MYH13: variants seen among roughly 807,000 people sequenced by gnomAD.
The protein encoded by MYH13 is myosin-13.
A neutral mutation model predicts 232.1 loss-of-function variants in MYH13; 177 were observed. The observed-to-expected ratio is 0.76, with a 90% CI of 0.67 to 0.86. The LOEUF is 0.86. Among genes scored for constraint, MYH13 ranks in the 40% least tolerant of loss-of-function variants. The probability of loss-of-function intolerance (pLI) is 0.00; values close to 1 mark genes in which losing one functional copy is unlikely to be tolerated. For synonymous variants in MYH13, 884 were observed against 923.5 expected (o/e 0.96, Z 0.78); for missense variants, 2,246 against 2,405.9 (o/e 0.93, Z 1.39).
intron 12 of MYH13, among the ~76,000 whole-genome samples, chr17:10,347,995 G>A (rs903628574): frequency 3.3e-5 from 5 of 152,118 alleles, no homozygotes; most frequent in African/African-American, 1.2e-4. Context: ...ACAGGTGTGA[G>A]CCACCTTGCC....
chr17:10,330,219 C>A (rs954950716), intron 21 of MYH13, among the ~76,000 whole-genome samples, 168 bp downstream of exon 21: 1 of 152,068 alleles, frequency 6.6e-6, no homozygotes. Context: ...TCTGTCTCCC[C>A]AGCGCCATGC....
chr17:10,312,768 C>A lies in MYH13; in HGVS notation c.4182-11G>T, dbSNP rs1906555495. The A allele has an allele frequency of 6.2e-7, 1 of 1,601,234 alleles. No homozygotes were observed. The highest frequency in any genetic ancestry group is 1.8e-5 in the Admixed American group (1 of 56,728). On this transcript the variant is annotated splice_polypyrimidine_tract_variant and intron_variant, in intron 30 of 40. Coordinates refer to ENST00000252172, the MANE Select transcript of MYH13 (RefSeq NM_003802.3). ...TGGGCCAGTTTTTTCCTACGAAAAC[C>A]AGATTTTTTTTTTCCCCTTCGCAAA...
chr17:10,318,804 G>C lies in MYH13; in HGVS notation c.3724C>G (p.Leu1242Val). ...IDDMASNIEA[L>V]SKSKSNIERT... ...CAGTCAGGTACCTTTGACTTGGAGA[G>C]AGCCTCGATGTTGCTGGCCATGTCG... is the stretch of plus-strand genomic sequence containing the variant. The change falls in exon 27 of 41, where the codon CTC (leucine) becomes GTC (valine). Residue 1242 changes from leucine to valine, a missense_variant. By Grantham distance (32) the Leu-to-Val change is conservative. Coordinates refer to ENST00000252172, the MANE Select transcript of MYH13 (RefSeq NM_003802.3). The C allele has an allele frequency of 1.2e-6, 2 of 1,614,048 alleles. No individual in the cohort carries two copies. The highest frequency in any genetic ancestry group is 1.7e-6 in the Non-Finnish European group (2 of 1,179,962).
At chr17:10,332,934 G>T in intron 19 of MYH13, 140 bp downstream of exon 19, 1 of 724,294 alleles carries the variant, frequency 1.4e-6, no homozygotes, top group Non-Finnish European at 2.3e-6. Context: ...CATGGGATCA[G>T]TTCCTCTAGC....
chr17:10,330,671 G>A (rs540662349), intron 20 of MYH13, 148 bp from the exon 21 acceptor site: 1 of 1,164,076 alleles, frequency 8.6e-7, no homozygotes, highest in Non-Finnish European at 1.2e-6. Context: ...TTGCTTCTCG[G>A]TGGCTCTGGT....
chr17:10,308,013 A>G (rs921316031), intron 35 of MYH13, among the ~76,000 whole-genome samples: 17 of 152,222 alleles, frequency 1.1e-4, no homozygotes, highest in Admixed American at 9.2e-4. Flanking sequence ...GTCATTAAAA[A>G]TCATATAGAA....
At chr17:10,309,869 A>T in intron 33 of MYH13, 39 bp from the exon 34 acceptor site, 5 of 1,487,392 alleles carry the variant, frequency 3.4e-6, no homozygotes, top group Non-Finnish European at 4.5e-6. Context: ...TGCCGTGGAC[A>T]TCCACCTTCA....
intron 21 of MYH13, among the ~76,000 whole-genome samples, chr17:10,329,347 A>C (rs963556798): frequency 3.3e-5 from 5 of 152,194 alleles, no homozygotes; most frequent in African/African-American, 1.2e-4. Flanking sequence ...AAAAAGACTT[A>C]AACATTCCTT....
At chr17:10,308,261 T>C (rs1025979833) in intron 35 of MYH13, among the ~76,000 whole-genome samples, 2 of 150,452 alleles carry the variant, frequency 1.3e-5, no homozygotes, top group Non-Finnish European at 2.9e-5. Context: ...GAGGCAGAGA[T>C]TGCAGTGAAC....
chr17:10,306,220 A>ATG lies in MYH13; in HGVS notation c.5466+237_5466+238dup, dbSNP rs34889608. The stretch of plus-strand genomic sequence containing the variant: ...CTGAGGTGTGAGCATACCAAAATAG[A>ATG]TGTGTGTGTGTGTGTGTGTGTGTGT... On this transcript the variant is annotated intron_variant, in intron 37 of 40. Coordinates refer to ENST00000252172, the MANE Select transcript of MYH13 (RefSeq NM_003802.3). The surrounding 1 kb of genome is among the most constrained non-coding windows in gnomAD (Gnocchi z 4.3). Among the ~76,000 whole-genome samples, 22,603 of 129,758 alleles carry ATG rather than the reference A, an allele frequency of 0.17. 1,878 individuals are homozygous for ATG. Among genetic ancestry groups the ATG allele is most frequent in the Admixed American group, 0.19 (2,505 of 12,918 alleles). 85.1% of individuals were successfully genotyped at this position (129,758 alleles called of 152,430 possible).
chr17:10,371,107 C>T (rs1320729001), intron 2 of MYH13, 102 bp downstream of exon 2: 2 of 152,176 alleles, frequency 1.3e-5, no homozygotes, highest in African/African-American at 4.8e-5. Context: ...TCAAACTCAT[C>T]AATTTCGTCT....
In MYH13 at chr17:10,346,689, AT is replaced by A; in HGVS notation, c.1253del (p.Asn418MetfsTer5). On this transcript the variant is annotated frameshift_variant, in exon 13 of 41. Transcript: ENST00000252172. LOFTEE classifies it high-confidence loss of function. ...VGNEYVTKGQNVQQVTNSVGA... is the reference protein window; with the variant it reads ...VGNEYVTKGQXVQQVTNSVGA... Reference sequence around the variant, plus strand: ...AGAGCATCTCCATTACCTGCTGGACATTTTGCCCTTTAGTGACATATTCATT... The same window carrying A: ...AGAGCATCTCCATTACCTGCTGGACATTTGCCCTTTAGTGACATATTCATT... 3 of 1,611,656 alleles carry A rather than the reference AT, an allele frequency of 1.9e-6. No homozygotes were observed. Among genetic ancestry groups the A allele is most frequent in the Non-Finnish European group, 2.5e-6 (3 of 1,177,862 alleles).
rs764855160 is a variant in MYH13, at chr17:10,309,381, C to T, written c.5022G>A (p.Gln1674=). 19 of 1,611,876 alleles carry T rather than the reference C, an allele frequency of 1.2e-5. No homozygotes were observed. Among genetic ancestry groups the T allele is most frequent in the Non-Finnish European group, 1.6e-5 (19 of 1,179,074 alleles). ...CATTCCTGCGCTCCACGATGGCCAGCTGCTCCTTGAGGTCCTCATTGCTCC... is the reference window on the plus strand; with the variant it reads ...CATTCCTGCGCTCCACGATGGCCAGTTGCTCCTTGAGGTCCTCATTGCTCC... ...ALRSNEDLKE[Q]LAIVERRNGL... The change falls in exon 35 of 41, where the codon CAG becomes CAA. Residue 1674 remains glutamine, a synonymous_variant. Transcript: ENST00000252172.
At chr17:10,342,644 C>T (rs1048185956) in intron 16 of MYH13, among the ~76,000 whole-genome samples, 2 of 151,246 alleles carry the variant, frequency 1.3e-5, no homozygotes, top group African/African-American at 2.4e-5. Flanking sequence ...CTGATACATG[C>T]TACAACAGGG....
Position 10,304,560 on chromosome 17 carries a change from A to G in MYH13, c.5467-1062T>C, listed in dbSNP as rs920970230. On this transcript the variant is annotated intron_variant, in intron 37 of 40. Coordinates refer to ENST00000252172, the MANE Select transcript of MYH13 (RefSeq NM_003802.3). The surrounding 1 kb of genome is among the most constrained non-coding windows in gnomAD (Gnocchi z 5.3). Reference sequence around the variant, plus strand: ...ACAGCAGATCAAGTAACTTGAACTTACAGATCAAGTAAGGCAGCAGGGATC... The same window carrying G: ...ACAGCAGATCAAGTAACTTGAACTTGCAGATCAAGTAAGGCAGCAGGGATC... Among the ~76,000 whole-genome samples, 4 of 152,252 alleles carry G rather than the reference A, an allele frequency of 2.6e-5. No individual in the cohort carries two copies. Among genetic ancestry groups the G allele is most frequent in the African/African-American group, 9.6e-5 (4 of 41,468 alleles).
intron 15 of MYH13, 124 bp from the exon 16 acceptor site, chr17:10,344,233 G>C (rs1597385084): frequency 1.5e-6 from 2 of 1,367,492 alleles, no homozygotes; most frequent in East Asian, 4.8e-5. Context: ...TGTACGCTCG[G>C]TGAGAGCAAG....
At chr17:10,328,156 A>G (rs1907283607) in intron 21 of MYH13, 35 bp from the exon 22 acceptor site, 5 of 1,607,528 alleles carry the variant, frequency 3.1e-6, no homozygotes, top group Middle Eastern at 3.4e-4. Context: ...TAATAAATCC[A>G]GCAAGGTCTG....
At chr17:10,364,278 A>G (rs1446777152) in intron 3 of MYH13, 49 bp downstream of exon 3, 1 of 1,546,690 alleles carries the variant, frequency 6.5e-7, no homozygotes, top group Non-Finnish European at 8.9e-7. Context: ...TACTCCAAAG[A>G]AAAATGAGCA....
At chr17:10,313,921 C>T (rs2142225059) in intron 29 of MYH13, among the ~76,000 whole-genome samples, 1 of 152,334 alleles carries the variant, frequency 6.6e-6, no homozygotes, top group African/African-American at 2.4e-5. Flanking sequence ...CTGATGTGAG[C>T]TTCGCTGTTT....
Sources: gnomAD v4.1 joint callset for allele counts (sites outside exome capture counted in the v4.1 genomes callset) on GRCh38, gnomAD v4.1.1 for gene constraint, Gnocchi (gnomAD v3.1) non-coding constraint, MANE v1.5 for transcripts, NCBI Gene and HGNC (gene_info 2026-07-23, HGNC 2026-07-21) for gene names.